TTC39A: variants seen among roughly 807,000 people sequenced by gnomAD.
The protein encoded by TTC39A is tetratricopeptide repeat protein 39A.
In TTC39A, 46 loss-of-function variants were observed where a neutral mutation model predicts 82.3. The observed-to-expected ratio is 0.56, with a 90% CI of 0.44 to 0.71. The LOEUF is 0.71. Ranked by LOEUF, TTC39A falls within the 30% of genes least tolerant of loss-of-function variation. The probability of loss-of-function intolerance (pLI) is 0.00; values close to 1 mark genes in which losing one functional copy is unlikely to be tolerated. For synonymous variants in TTC39A, 254 were observed against 275.2 expected (o/e 0.92, Z 0.76); for missense variants, 543 against 712.9 (o/e 0.76, Z 2.71).
At chr1:51,331,463 G>T (rs1645909723), upstream of TTC39A, 1 of 1,381,348 alleles carries the variant, frequency 7.2e-7, no homozygotes, top group South Asian at 1.6e-5. Flanking sequence ...CTTCACAAAG[G>T]AGGGGACAGA....
At chr1:51,302,155 C>T in intron 11 of TTC39A, 1 of 753,818 alleles carries the variant, frequency 1.3e-6, no homozygotes, top group South Asian at 1.5e-5. Context: ...CCAGGCACCA[C>T]AAATGCCTCC....
chr1:51,288,216 G>A lies in TTC39A; in HGVS notation c.1675C>T (p.Gln559Ter). The part of the protein sequence containing the change: ...THFRIQAATL[Q>*]AKSSLENSSR... ...CTGTTCTCTAGGGAAGACTTGGCTT[G>A]GAGTGTGGCTGCCTGGATTCGAAAG... The change falls in exon 18 of 18, where the codon CAA becomes TAA. Residue 559 changes from glutamine to a stop codon, truncating the protein, a stop_gained. Transcript: ENST00000680483. LOFTEE classifies it high-confidence loss of function. This position sits in a 1 kb window ranked among gnomAD's most constrained non-coding sequence, Gnocchi z 4.8. The A allele has an allele frequency of 4.3e-6, 7 of 1,614,062 alleles. No individual in the cohort carries two copies. Among genetic ancestry groups the A allele is most frequent in the Non-Finnish European group, 5.9e-6 (7 of 1,179,904 alleles).
At chr1:51,304,277 T>C (rs538322653) in intron 8 of TTC39A, among the ~76,000 whole-genome samples, 4 of 152,306 alleles carry the variant, frequency 2.6e-5, no homozygotes, top group African/African-American at 9.6e-5. Flanking sequence ...TTTAAATCAA[T>C]TTCAGTAAAA....
At chr1:51,310,119 CA>C (rs1265406141) in intron 5 of TTC39A, among the ~76,000 whole-genome samples, 1 of 151,972 alleles carries the variant, frequency 6.6e-6, no homozygotes, top group Non-Finnish European at 1.5e-5. Flanking sequence ...TACAAAAATA[CA>C]AAAATTAGCT....
At chr1:51,330,580 G>A (rs1415091728), upstream of TTC39A, 2 of 983,008 alleles carry the variant, frequency 2.0e-6, no homozygotes, top group Non-Finnish European at 2.4e-6. This position sits in a 1 kb window ranked among gnomAD's most constrained non-coding sequence, Gnocchi z 4.5. Context: ...CGGACGCGGC[G>A]GCCGGGGAGG....
intron 1 of TTC39A, among the ~76,000 whole-genome samples, chr1:51,324,180 C>T (rs778100663): frequency 3.3e-5 from 5 of 152,264 alleles, no homozygotes; most frequent in Non-Finnish European, 5.9e-5. Context: ...TTTTTTCCCA[C>T]CAGAAATGCT....
chr1:51,301,381 G>T, intron 12 of TTC39A, 191 bp downstream of exon 12: 1 of 631,834 alleles, frequency 1.6e-6, no homozygotes, highest in Non-Finnish European at 2.6e-6. Flanking sequence ...AAATCTCTTT[G>T]TGACACATTG....
At chr1:51,338,316 C>G (rs1425836051) in intron 1 of TTC39A, among the ~76,000 whole-genome samples, 1 of 152,134 alleles carries the variant, frequency 6.6e-6, no homozygotes, top group East Asian at 1.9e-4. Context: ...TAAGTTTCCT[C>G]CTCTATTAAA....
At chr1:51,335,896 A>C (rs182090672), upstream of TTC39A, among the ~76,000 whole-genome samples, 3 of 152,272 alleles carry the variant, frequency 2.0e-5, no homozygotes, top group Admixed American at 6.5e-5. Context: ...CCCATCTATA[A>C]ACCTGGGATA....
At chr1:51,330,618 G>GGGCC, upstream of TTC39A, 1 of 983,354 alleles carries the variant, frequency 1.0e-6, no homozygotes, top group South Asian at 4.6e-5. The surrounding 1 kb of genome is among the most constrained non-coding windows in gnomAD (Gnocchi z 4.5). Flanking sequence ...GAAGGCGGCG[G>GGGCC]GGCCGGGCCG....
At chr1:51,315,685 C>T (rs917062620) in intron 2 of TTC39A, among the ~76,000 whole-genome samples, 1 of 152,244 alleles carries the variant, frequency 6.6e-6, no homozygotes, top group African/African-American at 2.4e-5. Flanking sequence ...CTTCTGGGAC[C>T]TGCCTCAGCT....
rs1327009787 is a variant in TTC39A at position 51,294,527 on chromosome 1, G to C, written c.1146-16C>G. On this transcript the variant is annotated splice_polypyrimidine_tract_variant and intron_variant, in intron 13 of 17. Coordinates refer to ENST00000680483, the MANE Select transcript of TTC39A (RefSeq NM_001297663.2). This position sits in a 1 kb window ranked among gnomAD's most constrained non-coding sequence, Gnocchi z 4.3. ...TGGCACAGCTCTGCGAAAGAGATGGGGAGGGTGGGAGAGGATGAAAAAGAG... is the reference window on the plus strand; with the variant it reads ...TGGCACAGCTCTGCGAAAGAGATGGCGAGGGTGGGAGAGGATGAAAAAGAG... The C allele has an allele frequency of 6.2e-7, 1 of 1,613,688 alleles. No individual in the cohort carries two copies. Among genetic ancestry groups the C allele is most frequent in the Middle Eastern group, 1.6e-4 (1 of 6,062 alleles).
intron 2 of TTC39A, 119 bp from the exon 3 acceptor site, chr1:51,313,062 AG>A: frequency 7.4e-7 from 1 of 1,354,884 alleles, no homozygotes; most frequent in Non-Finnish European, 1.0e-6. Context: ...CCAGAGGTCC[AG>A]GCACGGGGAG....
intron 1 of TTC39A, among the ~76,000 whole-genome samples, chr1:51,325,141 C>T (rs982321289): frequency 2.7e-4 from 41 of 151,776 alleles, no homozygotes; most frequent in African/African-American, 9.7e-4. Flanking sequence ...GTAATCCCAA[C>T]TACTACGGAG....
rs1330547106 is a variant in TTC39A at position 51,294,014 on chromosome 1, C to T, written c.1266+377G>A. ...TATGTGAGTTCAGAGTTGAATATAA[C>T]GTGAAAAGGTTGGCCGAGTGAGGGG... On this transcript the variant is annotated intron_variant, in intron 14 of 17. Transcript: ENST00000680483. This position sits in a 1 kb window ranked among gnomAD's most constrained non-coding sequence, Gnocchi z 4.3. Among the ~76,000 whole-genome samples the T allele has an allele frequency of 1.3e-5, 2 of 152,178 alleles. No homozygotes were observed. The highest frequency in any genetic ancestry group is 2.4e-5 in the African/African-American group (1 of 41,438).
At chr1:51,312,013 G>T in intron 4 of TTC39A, 106 bp downstream of exon 4, 1 of 1,222,650 alleles carries the variant, frequency 8.2e-7, no homozygotes, top group Non-Finnish European at 1.1e-6. Flanking sequence ...ATGGACACCA[G>T]GGCCTGGCCC....
chr1:51,335,763 G>A (rs1570024191), upstream of TTC39A, among the ~76,000 whole-genome samples: 1 of 152,052 alleles, frequency 6.6e-6, no homozygotes, highest in African/African-American at 2.4e-5. Flanking sequence ...GAAAGGAGGG[G>A]TGTTTTAAGT....
chr1:51,288,015 G>A lies in TTC39A; in HGVS notation c.*142C>T, dbSNP rs538456219. 14 of 1,331,510 alleles carry A rather than the reference G, an allele frequency of 1.1e-5. No individual in the cohort carries two copies. The highest frequency in any genetic ancestry group is 5.0e-5 in the Admixed American group (2 of 39,760). The allele number at this position is 1,331,510 out of a possible 1,614,324, so 82.5% of individuals were successfully genotyped here. A position where few individuals can be genotyped will look rare whatever the true frequency, so the allele number is the denominator to read the frequency against. On this transcript the variant is annotated 3_prime_UTR_variant, in exon 18 of 18. Coordinates refer to ENST00000680483, the MANE Select transcript of TTC39A (RefSeq NM_001297663.2). This position sits in a 1 kb window ranked among gnomAD's most constrained non-coding sequence, Gnocchi z 4.8. Reference sequence around the variant, plus strand: ...GAAAATGCCAGCTCGGCTTCTGCACGGATACACTATGTTGTGCCATCCAAC... The same window carrying A: ...GAAAATGCCAGCTCGGCTTCTGCACAGATACACTATGTTGTGCCATCCAAC...
intron 2 of TTC39A, among the ~76,000 whole-genome samples, chr1:51,316,390 T>C (rs1403749564): frequency 6.6e-6 from 1 of 152,068 alleles, no homozygotes; most frequent in African/African-American, 2.4e-5. Flanking sequence ...CCATCCTCCC[T>C]CCTCCAGCCT....
Sources: allele counts gnomAD v4.1 joint callset (sites outside exome capture counted in the v4.1 genomes callset), GRCh38; gene constraint gnomAD v4.1.1; non-coding constraint Gnocchi (gnomAD v3.1); transcripts MANE v1.5; gene names NCBI Gene and HGNC (gene_info 2026-07-23, HGNC 2026-07-21).